Variants in DENND1A observed in about 807,000 individuals in gnomAD.
DENND1A encodes the protein DENN domain containing 1A.
In DENND1A, 51 loss-of-function variants were observed where a neutral mutation model predicts 113.7. The observed-to-expected ratio is 0.45, with a 90% CI of 0.36 to 0.57. DENND1A has a LOEUF of 0.57. Ranked by LOEUF, DENND1A falls within the 20% of genes least tolerant of loss-of-function variation. DENND1A has a pLI of 0.00. For missense variants in DENND1A, 1,258 were observed against 1,395.9 expected, an observed-to-expected ratio of 0.90 and a Z score of 1.57; for synonymous variants, 565 against 570.8, an observed-to-expected ratio of 0.99 and a Z score of 0.14.
intron 2 of DENND1A, among the ~76,000 whole-genome samples, chr9:123,807,740 T>C (rs1262071344): frequency 2.6e-5 from 4 of 152,222 alleles, no homozygotes; most frequent in Non-Finnish European, 5.9e-5. Flanking sequence ...ACAGACTTCA[T>C]GGAATGCCTA....
intron 2 of DENND1A, among the ~76,000 whole-genome samples, chr9:123,827,844 G>A (rs1159234427): frequency 6.6e-6 from 1 of 152,168 alleles, no homozygotes; most frequent in African/African-American, 2.4e-5. Context: ...AAGGAAGGAA[G>A]GATGGAGCAA....
At chr9:123,450,648 T>C (rs748051980) in intron 18 of DENND1A, 45 bp downstream of exon 18, 1 of 1,559,094 alleles carries the variant, frequency 6.4e-7, no homozygotes, top group South Asian at 1.2e-5. Flanking sequence ...TGGCCATGCA[T>C]TTCATACATG....
At chr9:123,662,880 G>A (rs564115023) in intron 8 of DENND1A, among the ~76,000 whole-genome samples, 3 of 152,146 alleles carry the variant, frequency 2.0e-5, no homozygotes, top group East Asian at 1.9e-4. Flanking sequence ...TGTGTGTTTC[G>A]GGGTGGGGAG....
Position 123,879,489 on chromosome 9 carries a change from C to G in DENND1A, c.18-468G>C, listed in dbSNP as rs1281278947. Among the ~76,000 whole-genome samples the G allele has an allele frequency of 2.0e-5, 3 of 152,086 alleles. 1 individual carries two copies. In the East Asian group the frequency reaches 5.8e-4, roughly 29 times the overall value. On this transcript the variant is annotated intron_variant, in intron 1 of 23. Coordinates refer to ENST00000394215, the MANE Select transcript of DENND1A (RefSeq NM_001352964.2). The stretch of plus-strand genomic sequence containing the variant: ...CAGAGGTTGCAGTGAGCTAAGATCA[C>G]GCTACTGCACTCCAGCCTGGGTAAC...
intron 13 of DENND1A, among the ~76,000 whole-genome samples, chr9:123,493,599 C>T (rs1268403766): frequency 6.6e-6 from 1 of 152,186 alleles, no homozygotes; most frequent in East Asian, 1.9e-4. Context: ...TACAGGGAGT[C>T]CCTGCCCTAT....
intron 2 of DENND1A, among the ~76,000 whole-genome samples, chr9:123,806,577 T>A (rs1398764091): frequency 1.3e-5 from 2 of 152,028 alleles, no homozygotes; most frequent in Non-Finnish European, 2.9e-5. Context: ...GTTAATAGAG[T>A]GAAAAAATAA....
At chr9:123,462,372 T>C (rs931740363) in intron 13 of DENND1A, among the ~76,000 whole-genome samples, 3 of 152,172 alleles carry the variant, frequency 2.0e-5, no homozygotes, top group African/African-American at 7.2e-5. Flanking sequence ...AGAGTCAGGG[T>C]TAACAGCTGG....
intron 21 of DENND1A, among the ~76,000 whole-genome samples, chr9:123,393,674 A>T (rs1217633106): frequency 6.6e-6 from 1 of 152,230 alleles, no homozygotes; most frequent in Non-Finnish European, 1.5e-5. Flanking sequence ...AAGGGCTAGG[A>T]CTGTTCTCAG....
chr9:123,702,649 G>A (rs905604246), intron 5 of DENND1A, among the ~76,000 whole-genome samples: 4 of 152,250 alleles, frequency 2.6e-5, no homozygotes, highest in African/African-American at 4.8e-5. Flanking sequence ...GAAAGACTGC[G>A]ATGATATATT....
intron 13 of DENND1A, among the ~76,000 whole-genome samples, chr9:123,463,151 G>C (rs1588654925): frequency 6.6e-6 from 1 of 152,180 alleles, no homozygotes; most frequent in African/African-American, 2.4e-5. Context: ...TGTTAATTCA[G>C]GGAATTCAGG....
chr9:123,583,946 G>A (rs942637540), intron 11 of DENND1A, among the ~76,000 whole-genome samples: 3 of 152,178 alleles, frequency 2.0e-5, no homozygotes, highest in Non-Finnish European at 2.9e-5. Flanking sequence ...AGGGATGAAC[G>A]GACAATATGG....
chr9:123,485,656 G>GCGCGTGCACACA (rs765633751), intron 13 of DENND1A: 2 of 141,156 alleles, frequency 1.4e-5, no homozygotes, highest in Non-Finnish European at 3.0e-5. Flanking sequence ...GCGCGCGCGC[G>GCGCGTGCACACA]CACACACACA....
chr9:123,651,902 A>T (rs1360724601), intron 9 of DENND1A, 111 bp downstream of exon 9: 1 of 791,244 alleles, frequency 1.3e-6, no homozygotes, highest in East Asian at 2.7e-5. Context: ...ATGCTGCCAT[A>T]TAAGGGGACT....
At position 123,811,690 on chromosome 9, in the gene DENND1A, C is replaced by T. The variant is rs542418599; in HGVS notation, c.89-19060G>A. ...AGGAGAACGGCGTGAACCTGGAAGG[C>T]GGAGCTTGCAGTGAGCGGAGATCGC... On this transcript the variant is annotated intron_variant, in intron 2 of 23. Transcript: ENST00000394215. 1.4e-3 allele frequency among the ~76,000 whole-genome samples: 218 copies of T among 152,238 alleles called. 1 individual carries two copies. Among genetic ancestry groups the T allele is most frequent in the African/African-American group, 4.9e-3 (205 of 41,550 alleles).
chr9:123,810,149 G>T (rs1046582272), intron 2 of DENND1A, among the ~76,000 whole-genome samples: 5 of 152,082 alleles, frequency 3.3e-5, no homozygotes, highest in African/African-American at 1.2e-4. Flanking sequence ...AAGATTACTG[G>T]CCTGGGGTAA....
Position 123,773,898 on chromosome 9 carries a change from A to G in DENND1A, c.133-4335T>C, listed in dbSNP as rs551395089. Among the ~76,000 whole-genome samples, 7 of 152,230 alleles carry G rather than the reference A, an allele frequency of 4.6e-5. No homozygotes were observed. The East Asian group carries it at 1.2e-3, about 25-fold the overall frequency. The stretch of plus-strand genomic sequence containing the variant: ...GAAAACATTTAAATAAAGAGAAGAG[A>G]TAGCTTGAATAAATGAATGTATTTT... On this transcript the variant is annotated intron_variant, in intron 3 of 23. Coordinates refer to ENST00000394215, the MANE Select transcript of DENND1A (RefSeq NM_001352964.2).
intron 5 of DENND1A, among the ~76,000 whole-genome samples, chr9:123,677,266 C>G (rs2064140468): frequency 1.3e-5 from 2 of 152,208 alleles, no homozygotes; most frequent in African/African-American, 2.4e-5. Flanking sequence ...GTTGCTGCAA[C>G]AGACATTCTA....
At chr9:123,866,957 C>A (rs1229834821) in intron 2 of DENND1A, among the ~76,000 whole-genome samples, 1 of 152,162 alleles carries the variant, frequency 6.6e-6, no homozygotes, top group East Asian at 1.9e-4. Flanking sequence ...ATCTAGACAG[C>A]AATTTATCTG....
chr9:123,428,136 T>A (rs2045881781), intron 19 of DENND1A, among the ~76,000 whole-genome samples: 1 of 147,544 alleles, frequency 6.8e-6, no homozygotes, highest in East Asian at 2.0e-4. Context: ...AAACCCTGTC[T>A]CTACAAAAAA....
Sources: gnomAD v4.1 joint callset for allele counts (sites outside exome capture counted in the v4.1 genomes callset) on GRCh38, gnomAD v4.1.1 for gene constraint, MANE v1.5 for transcripts, NCBI Gene and HGNC (gene_info 2026-07-23, HGNC 2026-07-21) for gene names.